The following ERI1 variants were observed in gnomAD, a reference collection of about 807,000 sequenced individuals.
The protein encoded by ERI1 is 3'-5' exoribonuclease 1.
ERI1 carries 39 observed loss-of-function variants against 39.7 expected under a neutral mutation model. That is an observed-to-expected ratio of 0.98 (90% CI 0.76 to 1.28). ERI1 has a LOEUF of 1.28. Ranked by LOEUF, ERI1 falls within the 50% of genes most tolerant of loss-of-function variation. The pLI, the probability that ERI1 is intolerant of heterozygous loss-of-function variation, is 0.00. For missense variants in ERI1, 581 were observed against 416.9 expected (o/e 1.39, Z -3.43); for synonymous variants, 204 against 149.6 (o/e 1.36, Z -2.65).
intron 1 of ERI1, chr8:9,004,324 A>G: frequency 9.1e-7 from 1 of 1,093,434 alleles, no homozygotes; most frequent in Non-Finnish European, 1.1e-6. Flanking sequence ...TAAATTTCGA[A>G]GTTTATTTTT....
chr8:9,060,935 C>T (rs1462379890), intron 3 of ERI1, among the ~76,000 whole-genome samples: 4 of 152,140 alleles, frequency 2.6e-5, no homozygotes, highest in African/African-American at 4.8e-5. Context: ...AGGACGCTTG[C>T]GTAGTGAGGA....
chr8:9,021,633 A>C (rs1389601677), intron 6 of ERI1, among the ~76,000 whole-genome samples: 1 of 151,886 alleles, frequency 6.6e-6, no homozygotes, highest in Non-Finnish European at 1.5e-5. Context: ...GTTAACCCTA[A>C]TTCTTCCTTT....
intron 3 of ERI1, among the ~76,000 whole-genome samples, chr8:9,015,548 C>T (rs552339519): frequency 1.3e-5 from 2 of 151,766 alleles, no homozygotes; most frequent in Non-Finnish European, 1.5e-5. Context: ...TGGTGAAACC[C>T]AGTCTCTACT....
In ERI1 at chr8:9,018,361, T is replaced by A. The variant is rs1388923630; in HGVS notation, c.647T>A (p.Leu216Ter). Residue 216 changes from leucine (L) to a stop codon, truncating the protein, a stop_gained, in exon 5 of 7, where the codon TTG (leucine) becomes TAG (stop). Coordinates refer to ENST00000250263, the MANE Select transcript of ERI1 (RefSeq NM_153332.4). LOFTEE classifies it high-confidence loss of function. ...VLKKVIDWMK[L>*]KELGTKYKYS... is the part of the protein sequence containing the mutation. The stretch of plus-strand genomic sequence containing the variant: ...AAAAAAGTAATTGACTGGATGAAAT[T>A]GAAGGAATTAGGAACAAAGTATAAA... 1 of 1,611,680 alleles carries A rather than the reference T, an allele frequency of 6.2e-7. No individual in the cohort carries two copies. Among genetic ancestry groups the A allele is most frequent in the African/African-American group, 1.3e-5 (1 of 74,888 alleles).
chr8:9,083,347 C>G (rs1799425872), intron 3 of ERI1, among the ~76,000 whole-genome samples: 1 of 152,196 alleles, frequency 6.6e-6, no homozygotes, highest in South Asian at 2.1e-4. Flanking sequence ...TATCTGCCCC[C>G]TAAAGAAAGC....
At chr8:9,084,521 T>A (rs1472039387) in intron 3 of ERI1, among the ~76,000 whole-genome samples, 1 of 152,182 alleles carries the variant, frequency 6.6e-6, no homozygotes, top group Non-Finnish European at 1.5e-5. Flanking sequence ...CCAGCCTCCC[T>A]TAACTCCACA....
intron 3 of ERI1, among the ~76,000 whole-genome samples, chr8:9,067,270 T>C (rs1027835944): frequency 4.6e-5 from 7 of 152,076 alleles, no homozygotes; most frequent in Non-Finnish European, 7.4e-5. Flanking sequence ...CTGAAATCTG[T>C]ATTAAGTTTT....
chr8:9,073,529 G>A (rs1216913709), intron 3 of ERI1, among the ~76,000 whole-genome samples: 1 of 152,154 alleles, frequency 6.6e-6, no homozygotes, highest in African/African-American at 2.4e-5. Flanking sequence ...GAGTTTTCCA[G>A]TTCAATTTTT....
At chr8:9,017,128 C>G (rs1817385163) in intron 4 of ERI1, among the ~76,000 whole-genome samples, 1 of 152,258 alleles carries the variant, frequency 6.6e-6, no homozygotes, top group East Asian at 1.9e-4. Context: ...CAACCTCTGC[C>G]TCCCAGGTTC....
chr8:9,089,511 T>C (rs1799639511), intron 3 of ERI1, among the ~76,000 whole-genome samples: 1 of 152,178 alleles, frequency 6.6e-6, no homozygotes, highest in Non-Finnish European at 1.5e-5. Context: ...TGGTTCACTG[T>C]GGTCCCCTAG....
chr8:9,085,809 A>G (rs956856589), intron 3 of ERI1, among the ~76,000 whole-genome samples: 4 of 152,172 alleles, frequency 2.6e-5, no homozygotes, highest in Non-Finnish European at 5.9e-5. Flanking sequence ...ATTGGTGTCC[A>G]TAAAATGGTG....
rs1381554420 is a variant in ERI1, at chr8:9,018,299, T to C, written c.585T>C (p.Asp195=). ...ATATTTTACTTTTATATCCTCAGGA[T>C]CAGGTAGACAGAGCTGATACCTTCC... ...FCISLTGITQ[D]QVDRADTFPQ... is the part of the protein sequence containing the mutation. The change falls in exon 5 of 7, where the codon GAT becomes GAC. Residue 195 remains aspartate (D), a splice_region_variant and synonymous_variant. Coordinates refer to ENST00000250263, the MANE Select transcript of ERI1 (RefSeq NM_153332.4). 1 of 1,596,506 alleles carries C rather than the reference T, an allele frequency of 6.3e-7. No individual in the cohort carries two copies. Among genetic ancestry groups the C allele is most frequent in the African/African-American group, 1.3e-5 (1 of 74,252 alleles).
chr8:9,044,460 C>G (rs887696157), intron 3 of ERI1, among the ~76,000 whole-genome samples: 2 of 152,112 alleles, frequency 1.3e-5, no homozygotes, highest in African/African-American at 4.8e-5. Context: ...AGAGTTCACA[C>G]TGGCCCCCAT....
intron 3 of ERI1, among the ~76,000 whole-genome samples, chr8:9,064,080 T>C (rs1403073812): frequency 6.9e-6 from 1 of 145,622 alleles, no homozygotes; most frequent in Non-Finnish European, 1.5e-5. Flanking sequence ...GAGGTTGGAG[T>C]GTGGAAATAA....
At chr8:9,046,639 A>G (rs1034237247) in intron 3 of ERI1, among the ~76,000 whole-genome samples, 5 of 152,196 alleles carry the variant, frequency 3.3e-5, no homozygotes, top group African/African-American at 9.7e-5. Context: ...TTTCTCCCCA[A>G]ACAACTCTGG....
At chr8:9,096,205 G>T (rs1799873091) in intron 3 of ERI1, among the ~76,000 whole-genome samples, 2 of 152,192 alleles carry the variant, frequency 1.3e-5, no homozygotes. Flanking sequence ...AAAGTCAACA[G>T]TGCCTTTTCA....
intron 6 of ERI1, among the ~76,000 whole-genome samples, chr8:9,026,222 A>G (rs1818459571): frequency 6.6e-6 from 1 of 152,152 alleles, no homozygotes; most frequent in African/African-American, 2.4e-5. Flanking sequence ...TGGGATTAGG[A>G]ATGCCCACCC....
In ERI1 at chr8:9,030,180, A is replaced by G; in HGVS notation, c.*146A>G. 2 of 1,076,062 alleles carry G rather than the reference A, an allele frequency of 1.9e-6. No homozygotes were observed. The highest frequency in any genetic ancestry group is 2.6e-6 in the Non-Finnish European group (2 of 768,372). 66.7% of individuals were successfully genotyped at this position (1,076,062 alleles called of 1,614,324 possible). A position where few individuals can be genotyped will look rare whatever the true frequency, so the allele number is the denominator to read the frequency against. ...ACAGGTGATAGAGATAGATACATGT[A>G]TGTGAACAGATTTTGTAGGAAGGCA... is the stretch of plus-strand genomic sequence containing the variant. On this transcript the variant is annotated 3_prime_UTR_variant, in exon 7 of 7. Coordinates refer to ENST00000250263, the MANE Select transcript of ERI1 (RefSeq NM_153332.4).
intron 3 of ERI1, among the ~76,000 whole-genome samples, chr8:9,042,727 C>T (rs762639721): frequency 9.9e-5 from 15 of 152,170 alleles, no homozygotes; most frequent in African/African-American, 3.1e-4. Context: ...GAATCAGAAA[C>T]GATCCAAAAT....
Sources: gnomAD v4.1 joint callset for allele counts (sites outside exome capture counted in the v4.1 genomes callset) on GRCh38, gnomAD v4.1.1 for gene constraint, MANE v1.5 for transcripts, NCBI Gene and HGNC (gene_info 2026-07-23, HGNC 2026-07-21) for gene names.